Variants in WDR12 observed in about 807,000 individuals in gnomAD.
WDR12 encodes the protein ribosome biogenesis protein WDR12.
A neutral mutation model predicts 64.3 loss-of-function variants in WDR12; 42 were observed. The ratio of observed to expected loss-of-function variants is 0.65; its 90% CI spans 0.51 to 0.84. WDR12 has a LOEUF of 0.84. Among genes scored for constraint, WDR12 ranks in the 40% least tolerant of loss-of-function variants. The pLI is 0.00. For synonymous variants in WDR12, 158 were observed against 173.3 expected, an observed-to-expected ratio of 0.91 and a Z score of 0.70; for missense variants, 469 against 494.6, an observed-to-expected ratio of 0.95 and a Z score of 0.49.
At chr2:202,897,005 C>T (rs1274908632) in intron 5 of WDR12, among the ~76,000 whole-genome samples, 3 of 151,498 alleles carry the variant, frequency 2.0e-5, no homozygotes, top group African/African-American at 7.3e-5. Flanking sequence ...CAAAACAAAA[C>T]AAAACAAAAC....
At chr2:202,893,876 C>T (rs935797318) in intron 7 of WDR12, among the ~76,000 whole-genome samples, 1 of 152,024 alleles carries the variant, frequency 6.6e-6, no homozygotes, top group African/African-American at 2.4e-5. Context: ...ATTGGTAAAA[C>T]TGCATTGAAA....
rs1044609809 is a variant in WDR12, at chr2:202,891,312, A to G, written c.741+1305T>C. On this transcript the variant is annotated intron_variant, in intron 8 of 12. Coordinates refer to ENST00000261015, the MANE Select transcript of WDR12 (RefSeq NM_018256.4). ...CAGGTGCAAGCCACCACATCCAGCT[A>G]ACTTTTAAAAAATTTTTTGTAGAGA... 2.0e-5 allele frequency among the ~76,000 whole-genome samples: 3 copies of G among 152,074 alleles called. No individual in the cohort carries two copies. In the East Asian group the frequency reaches 5.8e-4, roughly 29 times the overall value.
chr2:202,906,957 C>G (rs1341672520), intron 2 of WDR12, among the ~76,000 whole-genome samples: 10 of 148,516 alleles, frequency 6.7e-5, no homozygotes, highest in Admixed American at 3.4e-4. Context: ...CAAACTTCAA[C>G]ATTTTTTTTT....
In WDR12 at chr2:202,877,307, A is replaced by C. The variant is rs1687876426; in HGVS notation, c.*3553T>G. Reference sequence around the variant, plus strand: ...TTGATCATCTTCTCATAGAAAAGCTATGTTTTTCTACAAAGGCCCCACTAT... The same window carrying C: ...TTGATCATCTTCTCATAGAAAAGCTCTGTTTTTCTACAAAGGCCCCACTAT... On this transcript the variant is annotated 3_prime_UTR_variant, in exon 13 of 13. Transcript: ENST00000261015. The C allele has an allele frequency of 6.6e-6, 1 of 152,086 alleles. No individual in the cohort carries two copies. 9.4% of individuals were successfully genotyped at this position (152,086 alleles called of 1,614,324 possible).
chr2:202,903,470 AGG>A (rs1688389268), intron 2 of WDR12, among the ~76,000 whole-genome samples: 2 of 104,536 alleles, frequency 1.9e-5, no homozygotes, highest in Non-Finnish European at 4.3e-5. Flanking sequence ...GAAGGAAGGA[AGG>A]AAGGAAGGAA....
chr2:202,901,132 C>A lies in WDR12; in HGVS notation c.137-13G>T. 6.3e-7 allele frequency: 1 copy of A among 1,578,514 alleles called. No individual in the cohort carries two copies. On this transcript the variant is annotated splice_polypyrimidine_tract_variant and intron_variant, in intron 2 of 12. Coordinates refer to ENST00000261015, the MANE Select transcript of WDR12 (RefSeq NM_018256.4). ...TGTTTGTGGAACTCTGAGGAAAATA[C>A]ATAACAAAATTATCACTCTTAGTGT...
intron 8 of WDR12, among the ~76,000 whole-genome samples, chr2:202,890,329 A>G (rs535171395): frequency 9.9e-4 from 151 of 152,336 alleles, no homozygotes; most frequent in African/African-American, 3.5e-3. Flanking sequence ...AAAAATAGGT[A>G]AAACTAATCT....
intron 8 of WDR12, among the ~76,000 whole-genome samples, chr2:202,888,115 A>G (rs1688084003): frequency 6.6e-6 from 1 of 152,198 alleles, no homozygotes; most frequent in South Asian, 2.1e-4. Flanking sequence ...TGGCATATCC[A>G]TACCACAGAA....
intron 8 of WDR12, among the ~76,000 whole-genome samples, chr2:202,889,129 C>A (rs537912701): frequency 6.6e-6 from 1 of 152,058 alleles, no homozygotes; most frequent in Non-Finnish European, 1.5e-5. Context: ...TAAATGATTT[C>A]TCAGGAAAAA....
intron 12 of WDR12, among the ~76,000 whole-genome samples, chr2:202,881,982 C>T (rs1314794148): frequency 6.6e-6 from 1 of 152,092 alleles, no homozygotes. Context: ...GTTACCCAGG[C>T]TAGAGTGCAG....
intron 1 of WDR12, 59 bp downstream of exon 1, chr2:202,911,377 C>T: frequency 1.3e-6 from 2 of 1,555,820 alleles, no homozygotes; most frequent in South Asian, 2.2e-5. Flanking sequence ...AAGGTCATAC[C>T]AAAGGGGTGG....
chr2:202,904,312 C>G (rs1033281780), intron 2 of WDR12, among the ~76,000 whole-genome samples: 7 of 151,410 alleles, frequency 4.6e-5, no homozygotes, highest in African/African-American at 1.5e-4. Context: ...ATCAAAATAC[C>G]AATGACATTC....
At chr2:202,908,564 T>C (rs1688504263) in intron 1 of WDR12, among the ~76,000 whole-genome samples, 3 of 152,246 alleles carry the variant, frequency 2.0e-5, no homozygotes, top group African/African-American at 7.2e-5. Flanking sequence ...GTTGTTAAAC[T>C]GCCCAGCCAC....
At chr2:202,884,622 C>T in intron 8 of WDR12, 87 bp from the exon 9 acceptor site, 1 of 1,389,826 alleles carries the variant, frequency 7.2e-7, no homozygotes, top group Non-Finnish European at 9.6e-7. Flanking sequence ...ACAAAGCCCA[C>T]ATGACAGAGA....
intron 12 of WDR12, 152 bp from the exon 13 acceptor site, chr2:202,881,089 C>T (rs1015263194): frequency 9.5e-6 from 5 of 528,188 alleles, no homozygotes; most frequent in Admixed American, 3.5e-5. Flanking sequence ...AAGGGACCAA[C>T]GTTGTTTCAC....
At chr2:202,885,903 TA>T (rs1427156825) in intron 8 of WDR12, among the ~76,000 whole-genome samples, 5 of 151,908 alleles carry the variant, frequency 3.3e-5, no homozygotes, top group Admixed American at 6.6e-5. Context: ...CTACTAAAAA[TA>T]AAATTAGCTG....
chr2:202,883,501 A>G (rs1378079928), intron 11 of WDR12, 108 bp downstream of exon 11: 1 of 1,338,088 alleles, frequency 7.5e-7, no homozygotes, highest in Admixed American at 2.7e-5. Flanking sequence ...TTGCAAAACC[A>G]TGAGGCTTTT....
At position 202,880,873 on chromosome 2, in the gene WDR12, T is replaced by A; in HGVS notation, c.1259A>T (p.His420Leu). Residue 420 changes from histidine to leucine, a missense_variant, in exon 13 of 13, where the codon CAT becomes CTT. Coordinates refer to ENST00000261015, the MANE Select transcript of WDR12 (RefSeq NM_018256.4). The part of the protein sequence containing the change: ...YSYRYSPTTS[H>L]VGA ...TATTGTTCACTTTCATGCCCCAACA[T>A]GGGAAGTGGTAGGTGAATATCTGTA... is the stretch of plus-strand genomic sequence containing the variant. The A allele has an allele frequency of 6.2e-7, 1 of 1,610,016 alleles. No individual in the cohort carries two copies.
At chr2:202,886,767 CAAA>C (rs60735682) in intron 8 of WDR12, among the ~76,000 whole-genome samples, 4 of 79,052 alleles carry the variant, frequency 5.1e-5, no homozygotes, top group Non-Finnish European at 9.1e-5. Flanking sequence ...AACTCCATCT[CAAA>C]AAAAAAAAAA....
Sources: gnomAD v4.1 joint callset for allele counts (sites outside exome capture counted in the v4.1 genomes callset) on GRCh38, gnomAD v4.1.1 for gene constraint, MANE v1.5 for transcripts, NCBI Gene and HGNC (gene_info 2026-07-23, HGNC 2026-07-21) for gene names.